DGKB: variants seen among roughly 807,000 people sequenced by gnomAD.
DGKB encodes 90 kDa diacylglycerol kinase.
In DGKB, 67 loss-of-function variants were observed where a neutral mutation model predicts 114.3. That is an observed-to-expected ratio of 0.59 (90% CI 0.48 to 0.72). DGKB has a LOEUF of 0.72. Among genes scored for constraint, DGKB ranks in the 30% least tolerant of loss-of-function variants. The pLI, the probability that DGKB is intolerant of heterozygous loss-of-function variation, is 0.00. For synonymous variants in DGKB, 398 were observed against 323.1 expected, an observed-to-expected ratio of 1.23 and a Z score of -2.49; for missense variants, 907 against 975.2, an observed-to-expected ratio of 0.93 and a Z score of 0.93.
intron 22 of DGKB, among the ~76,000 whole-genome samples, chr7:14,340,614 A>G (rs558772650): frequency 6.6e-6 from 1 of 151,574 alleles, no homozygotes; most frequent in South Asian, 2.1e-4. Flanking sequence ...GGGGTCCTCT[A>G]CAAGCCACGG....
intron 12 of DGKB, among the ~76,000 whole-genome samples, chr7:14,677,003 T>C (rs1585573044): frequency 6.6e-6 from 1 of 152,054 alleles, no homozygotes; most frequent in Admixed American, 6.6e-5. Context: ...TGTAGGAAAA[T>C]CATATAATAG....
chr7:14,971,740 C>A (rs1461885335), intron 1 of DGKB, among the ~76,000 whole-genome samples: 1 of 151,280 alleles, frequency 6.6e-6, no homozygotes, highest in African/African-American at 2.4e-5. Flanking sequence ...CCTAAACTTG[C>A]CTACAAAAGG....
chr7:14,905,139 T>A (rs1472219827), upstream of DGKB, among the ~76,000 whole-genome samples: 1 of 152,100 alleles, frequency 6.6e-6, no homozygotes, highest in African/African-American at 2.4e-5. Context: ...ATTAGCTATC[T>A]TCATTATAAA....
intron 1 of DGKB, among the ~76,000 whole-genome samples, chr7:14,852,493 A>AAAAACAACAAAAAAAAAAAAC (rs1849534923): frequency 6.8e-6 from 1 of 146,612 alleles, no homozygotes; most frequent in Non-Finnish European, 1.5e-5. Context: ...AAGTCAAAAA[A>AAAAACAACAAAAAAAAAAAAC]AAAACAGAAA....
chr7:14,501,237 G>T (rs747170821), intron 20 of DGKB, among the ~76,000 whole-genome samples: 3 of 151,846 alleles, frequency 2.0e-5, no homozygotes, highest in Non-Finnish European at 2.9e-5. Flanking sequence ...GCCCAGGAAG[G>T]CTTCTAGAAC....
intron 21 of DGKB, among the ~76,000 whole-genome samples, chr7:14,436,087 T>G (rs2128801609): frequency 6.6e-6 from 1 of 152,230 alleles, no homozygotes; most frequent in African/African-American, 2.4e-5. Context: ...TATAGACTTT[T>G]ACAATTGGCA....
chr7:14,912,595 A>G (rs765366354), intron 1 of DGKB, among the ~76,000 whole-genome samples: 1 of 152,168 alleles, frequency 6.6e-6, no homozygotes, highest in African/African-American at 2.4e-5. Flanking sequence ...GTTAAAATAA[A>G]AAGTATTTAG....
intron 21 of DGKB, among the ~76,000 whole-genome samples, chr7:14,426,137 G>A (rs1235360206): frequency 6.6e-6 from 1 of 152,058 alleles, no homozygotes; most frequent in Non-Finnish European, 1.5e-5. Flanking sequence ...CATAACACAA[G>A]CTAGTTTCAT....
chr7:14,384,162 T>G (rs1583550332), intron 21 of DGKB, among the ~76,000 whole-genome samples: 1 of 152,230 alleles, frequency 6.6e-6, no homozygotes, highest in African/African-American at 2.4e-5. Flanking sequence ...AGTACATTTT[T>G]AGATAAGACA....
chr7:14,513,902 CT>C (rs1396699305), intron 20 of DGKB, among the ~76,000 whole-genome samples: 1 of 151,690 alleles, frequency 6.6e-6, no homozygotes, highest in Non-Finnish European at 1.5e-5. Flanking sequence ...AATGTTCTAC[CT>C]TTTATTTTAT....
intron 21 of DGKB, among the ~76,000 whole-genome samples, chr7:14,472,593 G>A (rs1393367363): frequency 2.0e-5 from 3 of 152,210 alleles, no homozygotes; most frequent in Non-Finnish European, 4.4e-5. Context: ...GAGCAACTTT[G>A]GAACTGGGTA....
intron 21 of DGKB, among the ~76,000 whole-genome samples, chr7:14,438,419 A>G (rs1583940435): frequency 6.6e-6 from 1 of 152,172 alleles, no homozygotes; most frequent in Non-Finnish European, 1.5e-5. Flanking sequence ...TGTTCTAAAC[A>G]TTATTTAAAA....
intron 17 of DGKB, among the ~76,000 whole-genome samples, chr7:14,604,520 C>G (rs555580690): frequency 6.6e-5 from 10 of 152,160 alleles, no homozygotes; most frequent in Admixed American, 5.2e-4. Flanking sequence ...AAAATGCATA[C>G]TATACTTTCA....
At chr7:14,854,496 C>A (rs1276028799) in intron 1 of DGKB, among the ~76,000 whole-genome samples, 1 of 152,108 alleles carries the variant, frequency 6.6e-6, no homozygotes, top group Admixed American at 6.5e-5. Context: ...TGAAACTGTT[C>A]CACCTCAGAT....
At chr7:14,856,780 A>G (rs1276024773) in intron 1 of DGKB, among the ~76,000 whole-genome samples, 1 of 152,094 alleles carries the variant, frequency 6.6e-6, no homozygotes, top group African/African-American at 2.4e-5. Flanking sequence ...CTTCTCTTGG[A>G]CACATTATTA....
chr7:14,645,125 C>T (rs758194989), intron 13 of DGKB, among the ~76,000 whole-genome samples: 17 of 152,042 alleles, frequency 1.1e-4, no homozygotes, highest in Admixed American at 2.0e-4. Flanking sequence ...CAACCATGGA[C>T]CCATCAGCAT....
At chr7:14,647,867 C>T (rs1172431727) in intron 13 of DGKB, among the ~76,000 whole-genome samples, 2 of 152,170 alleles carry the variant, frequency 1.3e-5, no homozygotes, top group African/African-American at 4.8e-5. Flanking sequence ...CTTTCTGAGT[C>T]AAAGAAAGGG....
At chr7:14,959,419 T>G (rs1786712587) in intron 1 of DGKB, among the ~76,000 whole-genome samples, 1 of 151,868 alleles carries the variant, frequency 6.6e-6, no homozygotes, top group African/African-American at 2.4e-5. Context: ...CAGGGCATTT[T>G]AGATGGGAGG....
chr7:14,454,618 G>A (rs757092794), intron 21 of DGKB, among the ~76,000 whole-genome samples: 36 of 151,950 alleles, frequency 2.4e-4, no homozygotes, highest in African/African-American at 7.7e-4. Flanking sequence ...TCAGATGCAC[G>A]TTAACTTTTA....
Sources: gnomAD v4.1 joint callset for allele counts (sites outside exome capture counted in the v4.1 genomes callset) on GRCh38, gnomAD v4.1.1 for gene constraint, MANE v1.5 for transcripts, NCBI Gene and HGNC (gene_info 2026-07-23, HGNC 2026-07-21) for gene names.